Variants in NELL1 observed in about 807,000 individuals in gnomAD.
The protein encoded by NELL1 is protein kinase C-binding protein NELL1.
NELL1 carries 76 observed loss-of-function variants against 107.4 expected under a neutral mutation model. That is an observed-to-expected ratio of 0.71 (90% CI 0.59 to 0.86). The LOEUF is 0.86. Among genes scored for constraint, NELL1 ranks in the 40% least tolerant of loss-of-function variants. The probability of loss-of-function intolerance (pLI) is 0.00; values close to 1 mark genes in which losing one functional copy is unlikely to be tolerated. For synonymous variants in NELL1, 353 were observed against 341.2 expected (o/e 1.03, Z -0.38); for missense variants, 1,024 against 1,005.5 (o/e 1.02, Z -0.25).
rs1848670062 is a variant in NELL1, at chr11:20,844,417, T to G, written c.336-3166T>G. Among the ~76,000 whole-genome samples, 4 of 152,324 alleles carry G rather than the reference T, an allele frequency of 2.6e-5. No individual in the cohort carries two copies. The South Asian group carries it at 8.3e-4, about 32-fold the overall frequency. On this transcript the variant is annotated intron_variant, in intron 3 of 19. Coordinates refer to ENST00000357134, the MANE Select transcript of NELL1 (RefSeq NM_006157.5). ...AGTTTGTTGGAACAACACACTTGGC[T>G]GAGGTCCAAGGCTAAGGGCTTGCAA...
intron 4 of NELL1, among the ~76,000 whole-genome samples, chr11:20,865,065 A>G (rs1337021043): frequency 6.6e-6 from 1 of 152,102 alleles, no homozygotes; most frequent in African/African-American, 2.4e-5. Flanking sequence ...TGGATCCATG[A>G]CAGTTTTGGG....
chr11:21,294,389 T>G (rs1849332301), intron 14 of NELL1, among the ~76,000 whole-genome samples: 1 of 152,116 alleles, frequency 6.6e-6, no homozygotes, highest in Non-Finnish European at 1.5e-5. Flanking sequence ...GAGTTTAGCC[T>G]TAATGAATCA....
rs1472712287 is a variant in NELL1 at position 21,215,134 on chromosome 11, G to A, written c.1427-14198G>A. Reference sequence around the variant, plus strand: ...AGTGTAAGGTAATTGAATCATGAGGGTGGTTATCTCTATGCTGTTCTCATG... The same window carrying A: ...AGTGTAAGGTAATTGAATCATGAGGATGGTTATCTCTATGCTGTTCTCATG... On this transcript the variant is annotated intron_variant, in intron 13 of 19. Transcript: ENST00000357134. 3.9e-5 allele frequency among the ~76,000 whole-genome samples: 6 copies of A among 152,192 alleles called. No homozygotes were observed. In the East Asian group the frequency reaches 5.8e-4, roughly 15 times the overall value.
intron 2 of NELL1, among the ~76,000 whole-genome samples, chr11:20,709,783 TTTA>T (rs543606558): frequency 4.6e-5 from 7 of 152,098 alleles, no homozygotes; most frequent in African/African-American, 7.2e-5. Flanking sequence ...TTATTAATAT[TTTA>T]TTATTATTCT....
chr11:20,826,476 T>C (rs138990633), intron 3 of NELL1, among the ~76,000 whole-genome samples: 1 of 151,298 alleles, frequency 6.6e-6, no homozygotes, highest in Non-Finnish European at 1.5e-5. Context: ...GATGGCCGTG[T>C]GCTTCACTAA....
chr11:21,016,510 T>A (rs1250043124), intron 12 of NELL1, among the ~76,000 whole-genome samples: 1 of 152,108 alleles, frequency 6.6e-6, no homozygotes, highest in Non-Finnish European at 1.5e-5. Context: ...CTAGCCATAG[T>A]GAAGATATCA....
chr11:21,539,328 C>T (rs1183395694), intron 16 of NELL1, among the ~76,000 whole-genome samples: 1 of 152,056 alleles, frequency 6.6e-6, no homozygotes, highest in Non-Finnish European at 1.5e-5. Context: ...GTTCTGTTAG[C>T]TTTGCTGTGT....
Position 21,498,348 on chromosome 11 carries a change from C to T in NELL1, c.1646-36026C>T, listed in dbSNP as rs12288394. On this transcript the variant is annotated intron_variant, in intron 15 of 19. Coordinates refer to ENST00000357134, the MANE Select transcript of NELL1 (RefSeq NM_006157.5). ...CATAAACATATTATATATATATATA[C>T]ATATATATATATATACAGACACACA... is the stretch of plus-strand genomic sequence containing the variant. 0.012 allele frequency among the ~76,000 whole-genome samples: 1,710 copies of T among 142,696 alleles called. 107 individuals are homozygous for T. The East Asian group carries it at 0.21, about 17-fold the overall frequency. 93.6% of individuals were successfully genotyped at this position (142,696 alleles called of 152,430 possible). A position where few individuals can be genotyped will look rare whatever the true frequency, so the allele number is the denominator to read the frequency against.
chr11:21,492,598 A>T (rs1402940916), intron 15 of NELL1, among the ~76,000 whole-genome samples: 1 of 151,944 alleles, frequency 6.6e-6, no homozygotes, highest in South Asian at 2.1e-4. Context: ...CTTTGTAGGG[A>T]CATGGATGAA....
intron 14 of NELL1, chr11:21,283,879 G>T: frequency 4.4e-6 from 1 of 227,168 alleles, no homozygotes; most frequent in South Asian, 6.8e-5. Context: ...TTGGCTGTGA[G>T]ATCCCCCTGA....
intron 12 of NELL1, among the ~76,000 whole-genome samples, chr11:20,964,977 G>C (rs1000306440): frequency 1.4e-4 from 21 of 152,020 alleles, no homozygotes; most frequent in Non-Finnish European, 2.5e-4. Flanking sequence ...GTAGGATTTG[G>C]GGGTGGGGAG....
At chr11:20,900,437 C>T (rs1849848199) in intron 5 of NELL1, among the ~76,000 whole-genome samples, 1 of 152,094 alleles carries the variant, frequency 6.6e-6, no homozygotes, top group South Asian at 2.1e-4. Flanking sequence ...GGTATGGACA[C>T]AGTGAGGAGC....
chr11:21,159,904 C>A (rs530533648), intron 13 of NELL1, among the ~76,000 whole-genome samples: 2 of 152,204 alleles, frequency 1.3e-5, no homozygotes, highest in African/African-American at 4.8e-5. Flanking sequence ...CCTTCTTCAT[C>A]TGTTCTATTT....
rs1852974093 is a variant in NELL1 at position 21,431,833 on chromosome 11, GT to G, written c.1645+60888del. On this transcript the variant is annotated intron_variant, in intron 15 of 19. Coordinates refer to ENST00000357134, the MANE Select transcript of NELL1 (RefSeq NM_006157.5). ...TCTGTTGTGCCTTGTGCTGTTAGCT[GT>G]TTCTCAACAGGAGTAAAGTTAAGCA... Among the ~76,000 whole-genome samples, 8 of 152,218 alleles carry G rather than the reference GT, an allele frequency of 5.3e-5. 1 individual carries two copies. The South Asian group carries it at 1.7e-3, about 32-fold the overall frequency.
At chr11:20,894,487 A>AT (rs1849683864) in intron 5 of NELL1, among the ~76,000 whole-genome samples, 1 of 152,246 alleles carries the variant, frequency 6.6e-6, no homozygotes, top group Non-Finnish European at 1.5e-5. Flanking sequence ...CACTTCACAA[A>AT]AGGGAATGTC....
chr11:21,570,021 A>G (rs75316917), intron 17 of NELL1, among the ~76,000 whole-genome samples: 1,521 of 152,004 alleles, frequency 0.01, 21 homozygotes, highest in African/African-American at 0.035. Flanking sequence ...AAAAAAAGAC[A>G]TGCTGCAAAA....
chr11:20,988,344 C>G (rs1224751339), intron 12 of NELL1, among the ~76,000 whole-genome samples: 1 of 151,252 alleles, frequency 6.6e-6, no homozygotes, highest in African/African-American at 2.4e-5. Flanking sequence ...GATAATGGCA[C>G]AAATATACAT....
chr11:21,235,222 G>A (rs1461273386), intron 14 of NELL1, among the ~76,000 whole-genome samples: 1 of 152,118 alleles, frequency 6.6e-6, no homozygotes, highest in Admixed American at 6.5e-5. Context: ...TCAGGGGATG[G>A]TTTGGCTCAA....
chr11:21,413,322 G>T (rs147390797), intron 15 of NELL1, among the ~76,000 whole-genome samples: 1 of 151,730 alleles, frequency 6.6e-6, no homozygotes, highest in African/African-American at 2.4e-5. Flanking sequence ...CAACTGCATC[G>T]TGGAAAAATG....
Sources: allele counts gnomAD v4.1 joint callset (sites outside exome capture counted in the v4.1 genomes callset), GRCh38; gene constraint gnomAD v4.1.1; transcripts MANE v1.5; gene names NCBI Gene and HGNC (gene_info 2026-07-23, HGNC 2026-07-21).